RNFT1: variants seen among roughly 807,000 people sequenced by gnomAD.
The protein encoded by RNFT1 is E3 ubiquitin-protein ligase RNFT1.
In RNFT1, 35 loss-of-function variants were observed where a neutral mutation model predicts 53.2. That is an observed-to-expected ratio of 0.66 (90% CI 0.50 to 0.87). The LOEUF (loss-of-function observed/expected upper bound fraction) is 0.87, where lower values mean the gene tolerates loss of function less well. RNFT1 is among the 40% of genes least tolerant of loss of function. The probability of loss-of-function intolerance (pLI) is 0.00; values close to 1 mark genes in which losing one functional copy is unlikely to be tolerated. For missense variants in RNFT1, 421 were observed against 515.0 expected (o/e 0.82, Z 1.77); for synonymous variants, 141 against 172.8 (o/e 0.82, Z 1.44).
At chr17:59,955,618 G>A (rs185926847) in intron 7 of RNFT1, among the ~76,000 whole-genome samples, 6 of 152,310 alleles carry the variant, frequency 3.9e-5, no homozygotes, top group Non-Finnish European at 2.9e-5. Flanking sequence ...CTTGTCTAGA[G>A]AAACAAGCTT....
chr17:59,953,888 GA>G (rs1216342571), intron 8 of RNFT1, 156 bp downstream of exon 8: 1 of 512,026 alleles, frequency 2.0e-6, no homozygotes, highest in African/African-American at 2.0e-5. Flanking sequence ...GAACATAAGG[GA>G]CAAAACTTAG....
At chr17:59,960,211 G>T in intron 3 of RNFT1, 43 bp from the exon 4 acceptor site, 1 of 1,571,358 alleles carries the variant, frequency 6.4e-7, no homozygotes, top group East Asian at 2.3e-5. Flanking sequence ...GATTTTGCCA[G>T]AATTTTAAAT....
chr17:59,955,246 AAGTC>A (rs779534495), intron 7 of RNFT1, among the ~76,000 whole-genome samples: 8 of 152,220 alleles, frequency 5.3e-5, no homozygotes, highest in Non-Finnish European at 1.2e-4. Context: ...TTTCAGAAAT[AAGTC>A]AGGATACTGT....
intron 5 of RNFT1, among the ~76,000 whole-genome samples, chr17:59,957,860 CAAAAA>C (rs964496558): frequency 6.7e-6 from 1 of 149,006 alleles, no homozygotes; most frequent in Non-Finnish European, 1.5e-5. Flanking sequence ...AAAACAAAAC[CAAAAA>C]AAAAGATACA....
chr17:59,957,228 A>C lies in RNFT1; in HGVS notation c.1001T>G (p.Leu334Ter). 6.2e-7 allele frequency: 1 copy of C among 1,611,316 alleles called. No homozygotes were observed. Among genetic ancestry groups the C allele is most frequent in the Non-Finnish European group, 8.5e-7 (1 of 1,179,042 alleles). ...AAGATTTGTAATGTTACCTACTTTTAATATGAGGTAGAGTAAAGCCAGCAG... is the reference window on the plus strand; with the variant it reads ...AAGATTTGTAATGTTACCTACTTTTCATATGAGGTAGAGTAAAGCCAGCAG... Reference protein sequence around the residue: ...GILLALLYLILKLLEFFGHLR... With the variant: ...GILLALLYLI Residue 334 changes from leucine to a stop codon, truncating the protein, a stop_gained, in exon 6 of 9, where the codon TTA becomes TGA. Coordinates refer to ENST00000305783, the MANE Select transcript of RNFT1 (RefSeq NM_016125.4). LOFTEE classifies it high-confidence loss of function.
chr17:59,962,782 C>T (rs1239610535), intron 2 of RNFT1, 45 bp downstream of exon 2: 5 of 1,527,402 alleles, frequency 3.3e-6, no homozygotes, highest in African/African-American at 2.8e-5. Flanking sequence ...AGAAAATTAA[C>T]TGAATTTAGG....
chr17:59,960,585 C>T (rs1390150971), intron 3 of RNFT1, among the ~76,000 whole-genome samples: 2 of 151,502 alleles, frequency 1.3e-5, no homozygotes, highest in Non-Finnish European at 2.9e-5. Context: ...CCAAGGTCGG[C>T]GGATCGCTTG....
intron 8 of RNFT1, 199 bp downstream of exon 8, chr17:59,953,846 C>T: frequency 2.4e-6 from 1 of 418,418 alleles, no homozygotes. Flanking sequence ...TATTTTTTCC[C>T]CTTCATACGC....
intron 8 of RNFT1, 79 bp from the exon 9 acceptor site, chr17:59,953,190 CTTTTTT>C: frequency 1.3e-6 from 1 of 775,812 alleles, no homozygotes; most frequent in Non-Finnish European, 1.9e-6. Flanking sequence ...GAAAGGGATT[CTTTTTT>C]TTTTTTTTTT....
intron 7 of RNFT1, among the ~76,000 whole-genome samples, chr17:59,954,349 T>C (rs1241332658): frequency 2.6e-5 from 4 of 152,162 alleles, no homozygotes; most frequent in Non-Finnish European, 4.4e-5. Flanking sequence ...TAATACATAA[T>C]AGGATTTTGA....
At chr17:59,954,004 A>T in intron 8 of RNFT1, 41 bp downstream of exon 8, 1 of 1,243,944 alleles carries the variant, frequency 8.0e-7, no homozygotes, top group Non-Finnish European at 1.1e-6. Context: ...AGTCACAGAG[A>T]ACTGTTGTAT....
intron 5 of RNFT1, among the ~76,000 whole-genome samples, chr17:59,957,861 A>C (rs58997167): frequency 0.018 from 2,670 of 151,344 alleles, 70 homozygotes; most frequent in African/African-American, 0.06. Context: ...AAACAAAACC[A>C]AAAAAAAAGA....
intron 1 of RNFT1, 49 bp downstream of exon 1, chr17:59,964,559 C>T: frequency 6.5e-7 from 1 of 1,547,824 alleles, no homozygotes; most frequent in East Asian, 2.4e-5. Flanking sequence ...GCCCCCTGCG[C>T]CGCGGCCCCT....
At chr17:59,960,295 A>C (rs2045280524) in intron 3 of RNFT1, 127 bp from the exon 4 acceptor site, 1 of 1,021,300 alleles carries the variant, frequency 9.8e-7, no homozygotes, top group Admixed American at 3.1e-5. Context: ...AATATGTTAA[A>C]CTGTACATAA....
chr17:59,959,963 T>A, intron 4 of RNFT1, 105 bp downstream of exon 4: 1 of 1,090,246 alleles, frequency 9.2e-7, no homozygotes, highest in Non-Finnish European at 1.2e-6. Flanking sequence ...AGTTAAAAAC[T>A]GAACTGAACT....
At position 59,962,483 on chromosome 17, in the gene RNFT1, C is replaced by A. The variant is rs1447381395; in HGVS notation, c.591+57G>T. The A allele has an allele frequency of 2.6e-6, 3 of 1,135,216 alleles. No homozygotes were observed. The African/African-American group carries it at 4.7e-5, about 18-fold the overall frequency. 70.3% of individuals were successfully genotyped at this position (1,135,216 alleles called of 1,614,324 possible). A position where few individuals can be genotyped will look rare whatever the true frequency, so the allele number is the denominator to read the frequency against. Reference sequence around the variant, plus strand: ...TTTCCTATTTCTCTCAAAATTATTTCTCTAAAATCTATGGAGAGAAACAGT... The same window carrying A: ...TTTCCTATTTCTCTCAAAATTATTTATCTAAAATCTATGGAGAGAAACAGT... On this transcript the variant is annotated intron_variant, in intron 3 of 8. Transcript: ENST00000305783.
rs1351611367 is a variant in RNFT1, at chr17:59,953,057, G to C, written c.1228C>G (p.Pro410Ala). Residue 410 changes from proline (P) to alanine (A), a missense_variant, in exon 9 of 9, where the codon CCA (proline) becomes GCA (alanine). Transcript: ENST00000305783. ...TLWFNREKTCPLCRTVISDHI... is the reference protein window; with the variant it reads ...TLWFNREKTCALCRTVISDHI... ...TCTGAAATCACAGTTCTGCAGAGTG[G>C]ACATGTTTTCTCTCTGTTAAACCAT... The C allele has an allele frequency of 6.2e-7, 1 of 1,611,824 alleles. No homozygotes were observed. Among genetic ancestry groups the C allele is most frequent in the East Asian group, 2.2e-5 (1 of 44,846 alleles).
intron 4 of RNFT1, 180 bp from the exon 5 acceptor site, chr17:59,958,624 C>T (rs1021028710): frequency 1.5e-6 from 1 of 672,192 alleles, no homozygotes; most frequent in Non-Finnish European, 2.7e-6. Flanking sequence ...CTTTTTAAAC[C>T]TGTTTGGATT....
rs776311123 is a variant in RNFT1, at chr17:59,953,048, T to G, written c.1237A>C (p.Arg413=). 5.6e-6 allele frequency: 9 copies of G among 1,612,994 alleles called. No homozygotes were observed. The highest frequency in any genetic ancestry group is 5.5e-5 in the South Asian group (5 of 91,072). The change falls in exon 9 of 9, where the codon AGA becomes CGA. Residue 413 remains arginine (R), a synonymous_variant. Transcript: ENST00000305783. ...FNREKTCPLC[R]TVISDHINKW... is the part of the protein sequence containing the mutation. ...TTTATATGGTCTGAAATCACAGTTC[T>G]GCAGAGTGGACATGTTTTCTCTCTG...
Sources: gnomAD v4.1 joint callset for allele counts (sites outside exome capture counted in the v4.1 genomes callset) on GRCh38, gnomAD v4.1.1 for gene constraint, MANE v1.5 for transcripts, NCBI Gene and HGNC (gene_info 2026-07-23, HGNC 2026-07-21) for gene names.